CARNMT1: variants seen among roughly 807,000 people sequenced by gnomAD.
CARNMT1 encodes the protein protein-L-histidine N-pros-methyltransferase CARNMT1.
Under a neutral mutation model 49.6 loss-of-function variants are expected in CARNMT1, and 28 were observed. The ratio of observed to expected loss-of-function variants is 0.56; its 90% confidence interval spans 0.42 to 0.77. The LOEUF is 0.77. CARNMT1 is among the 30% of genes least tolerant of loss of function. CARNMT1 has a pLI of 0.00. For missense variants in CARNMT1, 421 were observed against 512.6 expected (o/e 0.82, Z 1.73); for synonymous variants, 178 against 175.0 (o/e 1.02, Z -0.13).
chr9:75,022,444 G>A (rs562580146), intron 1 of CARNMT1, among the ~76,000 whole-genome samples: 94 of 152,102 alleles, frequency 6.2e-4, no homozygotes, highest in African/African-American at 2.2e-3. Flanking sequence ...GGCTGATCTT[G>A]AACTCCTGAC....
At chr9:74,985,975 T>C (rs1253150675) in intron 6 of CARNMT1, among the ~76,000 whole-genome samples, 1 of 152,214 alleles carries the variant, frequency 6.6e-6, no homozygotes, top group African/African-American at 2.4e-5. Flanking sequence ...TATGACATCC[T>C]CCCTTTACTA....
In CARNMT1 at chr9:74,998,618, T is replaced by C. The variant is rs1287049525; in HGVS notation, c.890A>G (p.Gln297Arg). 1 of 1,585,390 alleles carries C rather than the reference T, an allele frequency of 6.3e-7. No individual in the cohort carries two copies. The highest frequency in any genetic ancestry group is 8.6e-7 in the Non-Finnish European group (1 of 1,169,178). Residue 297 changes from glutamine to arginine, a missense_variant, in exon 5 of 8, where the codon CAA (glutamine) becomes CGA (arginine). Coordinates refer to ENST00000376834, the MANE Select transcript of CARNMT1 (RefSeq NM_152420.3). ...SNFSMTAGDF[Q>R]EIYSECNTWD... ...CTTACTGCATTCTGAATAAATCTCT[T>C]GAAAATCTCCTGCTGTCATAGAAAA...
At chr9:74,987,517 C>A (rs750631082) in intron 6 of CARNMT1, among the ~76,000 whole-genome samples, 36 of 151,912 alleles carry the variant, frequency 2.4e-4, no homozygotes, top group Non-Finnish European at 4.3e-4. Flanking sequence ...GCTAAGAAAG[C>A]CAGAGACAAA....
At chr9:75,012,104 C>T (rs1397244944) in intron 3 of CARNMT1, among the ~76,000 whole-genome samples, 1 of 152,074 alleles carries the variant, frequency 6.6e-6, no homozygotes, top group Non-Finnish European at 1.5e-5. Context: ...CACACATACC[C>T]GATGAAAGGA....
At chr9:74,991,499 C>G (rs2118765175) in intron 6 of CARNMT1, 1 of 152,456 alleles carries the variant, frequency 6.6e-6, no homozygotes, top group African/African-American at 2.4e-5. Flanking sequence ...CTGACGTTCA[C>G]TGCTTGAGCA....
At position 75,012,531 on chromosome 9, in the gene CARNMT1, T is replaced by G. The variant is rs1173490543; in HGVS notation, c.590+3737A>C. 4.6e-5 allele frequency among the ~76,000 whole-genome samples: 7 copies of G among 152,092 alleles called. No individual in the cohort carries two copies. The East Asian group carries it at 1.2e-3, about 25-fold the overall frequency. ...CGAACTCTTGACCTCAAGTGATCCA[T>G]CCGGCTCAGCCTAAGTGCTGGGATT... On this transcript the variant is annotated intron_variant, in intron 3 of 7. Transcript: ENST00000376834.
intron 6 of CARNMT1, among the ~76,000 whole-genome samples, chr9:74,992,257 G>C (rs926162032): frequency 2.6e-5 from 4 of 151,372 alleles, no homozygotes. Context: ...GGGTGACAGA[G>C]TGAGACTCCA....
chr9:75,002,731 G>C (rs984729528), intron 3 of CARNMT1, among the ~76,000 whole-genome samples: 11 of 152,108 alleles, frequency 7.2e-5, no homozygotes, highest in Non-Finnish European at 1.6e-4. Flanking sequence ...GTTTAACAGA[G>C]CTAGTATTGA....
In CARNMT1 at chr9:74,981,264, C is replaced by G. The variant is rs999602558; in HGVS notation, c.*2503G>C. On this transcript the variant is annotated 3_prime_UTR_variant, in exon 8 of 8. Coordinates refer to ENST00000376834, the MANE Select transcript of CARNMT1 (RefSeq NM_152420.3). ...CACCTTGCTCACTTGATTAGCATACCCTATATCTGCACTGCTTCAGAATAT... is the reference window on the plus strand; with the variant it reads ...CACCTTGCTCACTTGATTAGCATACGCTATATCTGCACTGCTTCAGAATAT... The G allele has an allele frequency of 6.6e-6, 1 of 151,884 alleles. No individual in the cohort carries two copies. The highest frequency in any genetic ancestry group is 6.6e-5 in the Admixed American group (1 of 15,260). The allele number at this position is 151,884 out of a possible 1,614,324, so 9.4% of individuals were successfully genotyped here.
intron 1 of CARNMT1, among the ~76,000 whole-genome samples, chr9:75,023,329 C>T (rs1822433005): frequency 6.6e-6 from 1 of 152,198 alleles, no homozygotes; most frequent in African/African-American, 2.4e-5. Context: ...TCAATATCTC[C>T]GTATTTCAGC....
Position 74,981,312 on chromosome 9 carries a change from A to T in CARNMT1, c.*2455T>A, listed in dbSNP as rs1463083807. 1 of 152,194 alleles carries T rather than the reference A, an allele frequency of 6.6e-6. No homozygotes were observed. Among genetic ancestry groups the T allele is most frequent in the Non-Finnish European group, 1.5e-5 (1 of 68,002 alleles). The allele number at this position is 152,194 out of a possible 1,614,324, so 9.4% of individuals were successfully genotyped here. ...TATAGAAATTAAACAAAAAAACATA[A>T]GCACAGTGGACTATCTCCTCCCATT... On this transcript the variant is annotated 3_prime_UTR_variant, in exon 8 of 8. Coordinates refer to ENST00000376834, the MANE Select transcript of CARNMT1 (RefSeq NM_152420.3).
rs143690262 is a variant in CARNMT1, at chr9:75,019,202, C to T, written c.231-1754G>A. ...TCACTAAGAGGCCTGGGGAGTCATG[C>T]CTTACTAATTACGAAATCTCACTGG... On this transcript the variant is annotated intron_variant, in intron 1 of 7. Transcript: ENST00000376834. 7.5e-3 allele frequency among the ~76,000 whole-genome samples: 1,139 copies of T among 152,172 alleles called. 6 individuals are homozygous for T. The highest frequency in any genetic ancestry group is 0.011 in the Non-Finnish European group (733 of 68,000).
intron 7 of CARNMT1, 87 bp from the exon 8 acceptor site, chr9:74,983,955 G>A: frequency 1.3e-6 from 1 of 783,652 alleles, no homozygotes. Context: ...ATCAGTGGCA[G>A]GCACTATTTT....
chr9:75,019,992 T>C lies in CARNMT1; in HGVS notation c.231-2544A>G, dbSNP rs191701649. 6.8e-4 allele frequency among the ~76,000 whole-genome samples: 103 copies of C among 152,258 alleles called. 4 individuals are homozygous for C. In the South Asian group the frequency reaches 0.017, roughly 25 times the overall value. On this transcript the variant is annotated intron_variant, in intron 1 of 7. Transcript: ENST00000376834. ...TTGCAGTAAAATACATAATGTACAATTGCATTTCATAGAAAACTAAATATT... is the reference window on the plus strand; with the variant it reads ...TTGCAGTAAAATACATAATGTACAACTGCATTTCATAGAAAACTAAATATT...
intron 5 of CARNMT1, among the ~76,000 whole-genome samples, chr9:74,997,174 T>C (rs1322208882): frequency 6.6e-6 from 1 of 152,126 alleles, no homozygotes; most frequent in African/African-American, 2.4e-5. Flanking sequence ...AGGACTACCT[T>C]CATCATCTGT....
chr9:75,006,110 G>T (rs1365160414), intron 3 of CARNMT1, among the ~76,000 whole-genome samples: 1 of 151,734 alleles, frequency 6.6e-6, no homozygotes, highest in Non-Finnish European at 1.5e-5. Context: ...GGAGTGCAGT[G>T]GCTCTATCTC....
intron 6 of CARNMT1, among the ~76,000 whole-genome samples, chr9:74,993,476 T>C (rs1833093708): frequency 6.6e-6 from 1 of 152,104 alleles, no homozygotes; most frequent in African/African-American, 2.4e-5. Context: ...CAGATTTGCA[T>C]GTTAGGAAGG....
chr9:75,002,452 TA>T (rs1833388910), intron 3 of CARNMT1, among the ~76,000 whole-genome samples: 1 of 152,186 alleles, frequency 6.6e-6, no homozygotes, highest in Non-Finnish European at 1.5e-5. Flanking sequence ...ACTGAACACT[TA>T]AAATGTGGCT....
intron 1 of CARNMT1, among the ~76,000 whole-genome samples, chr9:75,017,775 C>T (rs190893986): frequency 6.6e-6 from 1 of 152,206 alleles, no homozygotes; most frequent in Non-Finnish European, 1.5e-5. Context: ...GCAAAACCAG[C>T]TTTAGATTTT....
Sources: allele counts gnomAD v4.1 joint callset (sites outside exome capture counted in the v4.1 genomes callset), GRCh38; gene constraint gnomAD v4.1.1; transcripts MANE v1.5; gene names NCBI Gene and HGNC (gene_info 2026-07-23, HGNC 2026-07-21).